The following PDZRN3 variants were observed in gnomAD, a reference collection of about 807,000 sequenced individuals.
The protein encoded by PDZRN3 is E3 ubiquitin-protein ligase PDZRN3.
A neutral mutation model predicts 85.7 loss-of-function variants in PDZRN3; 38 were observed. The observed-to-expected ratio is 0.44, with a 90% CI of 0.34 to 0.58. PDZRN3 has a LOEUF of 0.58. Ranked by LOEUF, PDZRN3 falls within the 20% of genes least tolerant of loss-of-function variation. The pLI is 0.01. For synonymous variants in PDZRN3, 759 were observed against 638.0 expected (o/e 1.19, Z -2.86); for missense variants, 1,629 against 1,506.4 (o/e 1.08, Z -1.35).
intron 3 of PDZRN3, chr3:73,433,627 G>A: frequency 6.6e-7 from 1 of 1,512,606 alleles, no homozygotes; most frequent in South Asian, 1.2e-5. Flanking sequence ...GGAATAAAAT[G>A]CAGGGTGTTA....
At chr3:73,573,440 C>T (rs1702071914) in intron 3 of PDZRN3, among the ~76,000 whole-genome samples, 1 of 152,150 alleles carries the variant, frequency 6.6e-6, no homozygotes, top group Non-Finnish European at 1.5e-5. Flanking sequence ...ACACACGTCA[C>T]TCACCAGGTC....
rs115075303 is a variant in PDZRN3 at position 73,468,513 on chromosome 3, A to G, written c.919-64118T>C. Among the ~76,000 whole-genome samples the G allele has an allele frequency of 5.2e-3, 792 of 152,258 alleles. 9 individuals are homozygous for G. Among genetic ancestry groups the G allele is most frequent in the African/African-American group, 0.018 (758 of 41,550 alleles). Reference sequence around the variant, plus strand: ...TAGTGACGAGGTACATGTCTATGGAAAAACCATGAAGATGGCATGAGAATG... The same window carrying G: ...TAGTGACGAGGTACATGTCTATGGAGAAACCATGAAGATGGCATGAGAATG... On this transcript the variant is annotated intron_variant, in intron 3 of 9. Transcript: ENST00000263666.
chr3:73,445,741 C>A (rs998798202), intron 3 of PDZRN3, among the ~76,000 whole-genome samples: 47 of 152,266 alleles, frequency 3.1e-4, no homozygotes, highest in African/African-American at 1.0e-3. Context: ...GTACTTAATC[C>A]TTAAAACTGA....
chr3:73,580,094 A>G (rs1026023568), intron 3 of PDZRN3, among the ~76,000 whole-genome samples: 2 of 152,278 alleles, frequency 1.3e-5, no homozygotes, highest in Admixed American at 1.3e-4. Flanking sequence ...TATTCAGCTG[A>G]AAAACTGAAA....
At chr3:73,510,017 C>T (rs1476614104) in intron 3 of PDZRN3, among the ~76,000 whole-genome samples, 1 of 152,196 alleles carries the variant, frequency 6.6e-6, no homozygotes, top group Non-Finnish European at 1.5e-5. Flanking sequence ...ATGACTGATT[C>T]ATCTGTCGTA....
rs536945112 is a variant in PDZRN3, at chr3:73,448,276, T to C, written c.919-43881A>G. ...TTTTTCTTCTAACCACCTACGATTG[T>C]TGTGAAGACTAATGAGAAATTACTC... is the stretch of plus-strand genomic sequence containing the variant. On this transcript the variant is annotated intron_variant, in intron 3 of 9. Coordinates refer to ENST00000263666, the MANE Select transcript of PDZRN3 (RefSeq NM_015009.3). Among the ~76,000 whole-genome samples, 16 of 152,364 alleles carry C rather than the reference T, an allele frequency of 1.1e-4. No individual in the cohort carries two copies. In the South Asian group the frequency reaches 3.3e-3, roughly 32 times the overall value.
intron 5 of PDZRN3, among the ~76,000 whole-genome samples, chr3:73,394,192 C>T (rs931467952): frequency 3.9e-5 from 6 of 152,308 alleles, no homozygotes; most frequent in Middle Eastern, 3.4e-3. Flanking sequence ...ACTTTTTATA[C>T]GTTGCCACTA....
At chr3:73,437,891 AG>A (rs1396112579) in intron 3 of PDZRN3, among the ~76,000 whole-genome samples, 3 of 152,216 alleles carry the variant, frequency 2.0e-5, no homozygotes, top group African/African-American at 7.2e-5. Flanking sequence ...CTCATCCCAG[AG>A]GCAGTGTAAG....
At chr3:73,453,683 GT>G (rs1388523149) in intron 3 of PDZRN3, among the ~76,000 whole-genome samples, 1 of 152,050 alleles carries the variant, frequency 6.6e-6, no homozygotes, top group Non-Finnish European at 1.5e-5. Flanking sequence ...GCAAAACACA[GT>G]TTGAAAAACT....
In PDZRN3 at chr3:73,624,844, G is replaced by C. The variant is rs746142207; in HGVS notation, c.-19C>G. The C allele has an allele frequency of 7.8e-7, 1 of 1,278,992 alleles. No individual in the cohort carries two copies. The highest frequency in any genetic ancestry group is 9.8e-7 in the Non-Finnish European group (1 of 1,015,472). The allele number at this position is 1,278,992 out of a possible 1,614,324, so 79.2% of individuals were successfully genotyped here. ...AGCCCATGGTGGCGGCCAGGCCCCGGGGTCGCCGCCGGGCGGCCGGGCGCC... is the reference window on the plus strand; with the variant it reads ...AGCCCATGGTGGCGGCCAGGCCCCGCGGTCGCCGCCGGGCGGCCGGGCGCC... On this transcript the variant is annotated 5_prime_UTR_variant, in exon 1 of 10. Transcript: ENST00000263666.
chr3:73,609,365 G>T lies in PDZRN3; in HGVS notation c.724-681C>A, dbSNP rs552902189. Reference sequence around the variant, plus strand: ...AATCAAAAAAGTAGAAGTGACCCAGGCAGGTCACAGAGCATAGTGTTCGAC... The same window carrying T: ...AATCAAAAAAGTAGAAGTGACCCAGTCAGGTCACAGAGCATAGTGTTCGAC... On this transcript the variant is annotated intron_variant, in intron 1 of 9. Coordinates refer to ENST00000263666, the MANE Select transcript of PDZRN3 (RefSeq NM_015009.3). Among the ~76,000 whole-genome samples, 50 of 152,292 alleles carry T rather than the reference G, an allele frequency of 3.3e-4. No homozygotes were observed. The South Asian group carries it at 0.01, about 32-fold the overall frequency.
At chr3:73,414,700 T>C (rs72890666) in intron 3 of PDZRN3, among the ~76,000 whole-genome samples, 5,008 of 152,318 alleles carry the variant, frequency 0.033, 291 homozygotes, top group African/African-American at 0.11. Flanking sequence ...TGAATGTTGA[T>C]AGAATGGGCT....
At chr3:73,455,168 T>A (rs536887265) in intron 3 of PDZRN3, among the ~76,000 whole-genome samples, 1 of 152,266 alleles carries the variant, frequency 6.6e-6, no homozygotes, top group South Asian at 2.1e-4. Flanking sequence ...ATGACCAGAG[T>A]ATTTTCAGAT....
chr3:73,519,307 A>G (rs540322114), intron 3 of PDZRN3, among the ~76,000 whole-genome samples: 5 of 152,358 alleles, frequency 3.3e-5, no homozygotes, highest in Non-Finnish European at 7.3e-5. Context: ...GCTGTGGAAC[A>G]GGAGGTTCAG....
rs974669012 is a variant in PDZRN3, at chr3:73,382,797, T to C, written c.*568A>G. 3 of 152,882 alleles carry C rather than the reference T, an allele frequency of 2.0e-5. No individual in the cohort carries two copies. The allele number at this position is 152,882 out of a possible 1,614,324, so 9.5% of individuals were successfully genotyped here. A position where few individuals can be genotyped will look rare whatever the true frequency, so the allele number is the denominator to read the frequency against. The stretch of plus-strand genomic sequence containing the variant: ...TTAACCAGGAAAATGTTTAAATGTA[T>C]ATCCCAACTCTAAACGCTGCCGGTT... On this transcript the variant is annotated 3_prime_UTR_variant, in exon 10 of 10. Coordinates refer to ENST00000263666, the MANE Select transcript of PDZRN3 (RefSeq NM_015009.3).
intron 3 of PDZRN3, among the ~76,000 whole-genome samples, chr3:73,418,102 A>G (rs999491801): frequency 1.3e-5 from 2 of 152,254 alleles, no homozygotes; most frequent in Non-Finnish European, 2.9e-5. Flanking sequence ...CACCTGTAAA[A>G]TGGGAAATAA....
At chr3:73,499,077 C>G (rs1043130446) in intron 3 of PDZRN3, among the ~76,000 whole-genome samples, 1 of 152,108 alleles carries the variant, frequency 6.6e-6, no homozygotes, top group Non-Finnish European at 1.5e-5. Flanking sequence ...TGACACCGCA[C>G]GAAAGGGATA....
At chr3:73,570,515 G>A (rs187569229) in intron 3 of PDZRN3, among the ~76,000 whole-genome samples, 3 of 152,192 alleles carry the variant, frequency 2.0e-5, no homozygotes, top group East Asian at 3.9e-4. Flanking sequence ...TAATAAATGC[G>A]GCATTAACCC....
intron 5 of PDZRN3, among the ~76,000 whole-genome samples, chr3:73,395,528 T>C (rs1040871533): frequency 2.6e-5 from 4 of 152,340 alleles, no homozygotes; most frequent in African/African-American, 9.6e-5. Context: ...TTCCACCTTG[T>C]TGATTCAAAC....
Sources: gnomAD v4.1 joint callset for allele counts (sites outside exome capture counted in the v4.1 genomes callset) on GRCh38, gnomAD v4.1.1 for gene constraint, MANE v1.5 for transcripts, NCBI Gene and HGNC (gene_info 2026-07-23, HGNC 2026-07-21) for gene names.